SMO: variants seen among roughly 807,000 people sequenced by gnomAD.
SMO encodes the protein smoothened, frizzled class receptor, also known as protein smoothened.
SMO carries 40 observed loss-of-function variants against 81.6 expected under a neutral mutation model. That is an observed-to-expected ratio of 0.49 (90% CI 0.38 to 0.64). SMO has a LOEUF of 0.64. Ranked by LOEUF, SMO falls within the 30% of genes least tolerant of loss-of-function variation. The pLI, the probability that SMO is intolerant of heterozygous loss-of-function variation, is 0.00. For synonymous variants in SMO, 434 were observed against 432.1 expected (o/e 1.00, Z -0.05); for missense variants, 916 against 1,061.1 (o/e 0.86, Z 1.90).
intron 1 of SMO, among the ~76,000 whole-genome samples, chr7:129,196,947 G>A (rs1324170678): frequency 6.7e-6 from 1 of 150,016 alleles, no homozygotes; most frequent in African/African-American, 2.5e-5. Context: ...AACCTGGGAG[G>A]CGGAGCTTGC....
In SMO at chr7:129,189,541, C is replaced by A. The variant is rs2150638683; in HGVS notation, c.331+59C>A. 6.6e-7 allele frequency: 1 copy of A among 1,519,258 alleles called. No individual in the cohort carries two copies. The highest frequency in any genetic ancestry group is 8.8e-7 in the Non-Finnish European group (1 of 1,135,138). The allele number at this position is 1,519,258 out of a possible 1,614,324, so 94.1% of individuals were successfully genotyped here. A position where few individuals can be genotyped will look rare whatever the true frequency, so the allele number is the denominator to read the frequency against. ...AGGTGCCGCGGTAAGATGGGGGCACCCTTGGAAAGAACAGGCTCAGGCCTG... is the reference window on the plus strand; with the variant it reads ...AGGTGCCGCGGTAAGATGGGGGCACACTTGGAAAGAACAGGCTCAGGCCTG... On this transcript the variant is annotated intron_variant, in intron 1 of 11. Coordinates refer to ENST00000249373, the MANE Select transcript of SMO (RefSeq NM_005631.5). The surrounding 1 kb of genome is among the most constrained non-coding windows in gnomAD (Gnocchi z 4.7).
At position 129,203,560 on chromosome 7, in the gene SMO, A is replaced by G. The variant is rs763625453; in HGVS notation, c.508A>G (p.Thr170Ala). The stretch of plus-strand genomic sequence containing the variant: ...GGGCTGGCCTGACTTCCTGCGCTGC[A>G]CTCCTGACCGCTTCCCTGAAGGCTG... ...ERGWPDFLRC[T>A]PDRFPEGCTN... Residue 170 changes from threonine (T) to alanine (A), a missense_variant, in exon 2 of 12, where the codon ACT (threonine) becomes GCT (alanine). Transcript: ENST00000249373. The G allele has an allele frequency of 4.4e-6, 7 of 1,602,762 alleles. No individual in the cohort carries two copies. In the Admixed American group the frequency reaches 6.7e-5, roughly 15 times the overall value.
rs13242728 is a variant in SMO at position 129,210,093 on chromosome 7, G to C, written c.1467-270G>C. The C allele has an allele frequency of 0.029, 9,543 of 333,150 alleles. 184 individuals are homozygous for C. The highest frequency in any genetic ancestry group is 0.068 in the Admixed American group (1,668 of 24,636). 20.6% of individuals were successfully genotyped at this position (333,150 alleles called of 1,614,324 possible). On this transcript the variant is annotated intron_variant, in intron 8 of 11. Coordinates refer to ENST00000249373, the MANE Select transcript of SMO (RefSeq NM_005631.5). The surrounding 1 kb of genome is among the most constrained non-coding windows in gnomAD (Gnocchi z 4.7). ...CCAGTTGATTCTAATGAGCACCCAG[G>C]GTTGAGATCAGTGCTGTGGAGCTTA...
In SMO at chr7:129,210,666, GC is replaced by G; in HGVS notation, c.1652+123del. On this transcript the variant is annotated intron_variant, in intron 9 of 11. Transcript: ENST00000249373. The surrounding 1 kb of genome is among the most constrained non-coding windows in gnomAD (Gnocchi z 4.7). ...CAGCCTTGGTCAGTGGTTCACCGCT[GC>G]CCCCTGGTGGCACCTTCTGTCCTTG... 1 of 866,854 alleles carries G rather than the reference GC, an allele frequency of 1.2e-6. No individual in the cohort carries two copies. Among genetic ancestry groups the G allele is most frequent in the Non-Finnish European group, 1.8e-6 (1 of 561,418 alleles). The allele number at this position is 866,854 out of a possible 1,614,324, so 53.7% of individuals were successfully genotyped here. A position where few individuals can be genotyped will look rare whatever the true frequency, so the allele number is the denominator to read the frequency against.
intron 1 of SMO, among the ~76,000 whole-genome samples, chr7:129,200,289 C>T (rs959080466): frequency 2.0e-5 from 3 of 151,966 alleles, no homozygotes; most frequent in African/African-American, 7.3e-5. Context: ...GGTGTGGTGG[C>T]GGGCGCCTGT....
chr7:129,203,395 GC>G lies in SMO; in HGVS notation c.349del (p.Arg117AlafsTer5). 6.4e-7 allele frequency: 1 copy of G among 1,551,712 alleles called. No homozygotes were observed. The highest frequency in any genetic ancestry group is 8.7e-7 in the Non-Finnish European group (1 of 1,147,286). Reference sequence around the variant, plus strand: ...GTTGCCACCCCCAGGCCTCCGGAATGCCCCCCGCTGCTGGGCAGTGATCCAG... The same window carrying G: ...GTTGCCACCCCCAGGCCTCCGGAATGCCCCCGCTGCTGGGCAGTGATCCAG... ...KLVLWSGLRN[A>X]PRCWAVIQPL... On this transcript the variant is annotated frameshift_variant, in exon 2 of 12. Coordinates refer to ENST00000249373, the MANE Select transcript of SMO (RefSeq NM_005631.5). LOFTEE classifies it high-confidence loss of function.
At position 129,206,524 on chromosome 7, in the gene SMO, G is replaced by A. The variant is rs755206241; in HGVS notation, c.1201G>A (p.Ala401Thr). 5 of 1,614,188 alleles carry A rather than the reference G, an allele frequency of 3.1e-6. No homozygotes were observed. Among genetic ancestry groups the A allele is most frequent in the Admixed American group, 3.3e-5 (2 of 60,018 alleles). Residue 401 changes from alanine to threonine, a missense_variant, in exon 6 of 12, where the codon GCG becomes ACG. Transcript: ENST00000249373. The surrounding 1 kb of genome is among the most constrained non-coding windows in gnomAD (Gnocchi z 4.4). Reference sequence around the variant, plus strand: ...GGGCTACAAGAACTACCGATACCGTGCGGGCTTCGTGCTGGCCCCAATCGG... The same window carrying A: ...GGGCTACAAGAACTACCGATACCGTACGGGCTTCGTGCTGGCCCCAATCGG... ...FVGYKNYRYR[A>T]GFVLAPIGLV...
chr7:129,207,116 T>C (rs1334434354), intron 6 of SMO, among the ~76,000 whole-genome samples: 3 of 152,140 alleles, frequency 2.0e-5, no homozygotes, highest in African/African-American at 7.2e-5. Flanking sequence ...AGTGCGGAGA[T>C]TACAGGCATG....
intron 1 of SMO, among the ~76,000 whole-genome samples, chr7:129,193,758 CAAAAA>C (rs35934044): frequency 6.7e-4 from 5 of 7,454 alleles, no homozygotes; most frequent in East Asian, 0.03. Context: ...GACTCCATCT[CAAAAA>C]AAAAAAAAAA....
Position 129,211,651 on chromosome 7 carries a change from A to G in SMO, c.1817A>G (p.Asp606Gly), listed in dbSNP as rs2150655537. ...ATTCCCACAGCGGGCTTGGCCTTTG[A>G]CCTCAATGAGCCCTCAGCTGATGTC... ...HDGPVAGLAF[D>G]LNEPSADVSS... The change falls in exon 11 of 12, where the codon GAC becomes GGC. Residue 606 changes from aspartate (D) to glycine (G), a missense_variant. Asp to Gly is a moderately conservative substitution (Grantham distance 94, BLOSUM62 -1). Around this residue, in one of 4 missense-constraint regions of SMO, gnomAD observed 324 missense variants for 312.9 expected, o/e 1.04. Transcript: ENST00000249373. The surrounding 1 kb of genome is among the most constrained non-coding windows in gnomAD (Gnocchi z 4.6). 1 of 1,612,698 alleles carries G rather than the reference A, an allele frequency of 6.2e-7. No homozygotes were observed. The highest frequency in any genetic ancestry group is 8.5e-7 in the Non-Finnish European group (1 of 1,179,912).
At chr7:129,192,380 A>G (rs1384989533) in intron 1 of SMO, among the ~76,000 whole-genome samples, 1 of 152,172 alleles carries the variant, frequency 6.6e-6, no homozygotes, top group Non-Finnish European at 1.5e-5. Context: ...AAATAAAGGG[A>G]TTTATACCTC....
At position 129,206,703 on chromosome 7, in the gene SMO, T is replaced by C. The variant is rs909166923; in HGVS notation, c.1264+116T>C. The C allele has an allele frequency of 5.8e-6, 6 of 1,042,578 alleles. No homozygotes were observed. Among genetic ancestry groups the C allele is most frequent in the Admixed American group, 2.4e-5 (1 of 42,118 alleles). 64.6% of individuals were successfully genotyped at this position (1,042,578 alleles called of 1,614,324 possible). A position where few individuals can be genotyped will look rare whatever the true frequency, so the allele number is the denominator to read the frequency against. On this transcript the variant is annotated intron_variant, in intron 6 of 11. Coordinates refer to ENST00000249373, the MANE Select transcript of SMO (RefSeq NM_005631.5). The surrounding 1 kb of genome is among the most constrained non-coding windows in gnomAD (Gnocchi z 4.4). ...ATGCTGAAACCCCAGCTAGCTCCTA[T>C]AGGGCCTTCACACAGTAGAAGGTGA...
rs911082319 is a variant in SMO at position 129,189,542 on chromosome 7, C to G, written c.331+60C>G. 6.6e-7 allele frequency: 1 copy of G among 1,515,204 alleles called. No individual in the cohort carries two copies. Among genetic ancestry groups the G allele is most frequent in the African/African-American group, 1.4e-5 (1 of 72,382 alleles). 93.9% of individuals were successfully genotyped at this position (1,515,204 alleles called of 1,614,324 possible). On this transcript the variant is annotated intron_variant, in intron 1 of 11. Coordinates refer to ENST00000249373, the MANE Select transcript of SMO (RefSeq NM_005631.5). This position sits in a 1 kb window ranked among gnomAD's most constrained non-coding sequence, Gnocchi z 4.7. ...GGTGCCGCGGTAAGATGGGGGCACC[C>G]TTGGAAAGAACAGGCTCAGGCCTGA...
chr7:129,202,662 C>G (rs941465607), intron 1 of SMO, among the ~76,000 whole-genome samples: 3 of 152,186 alleles, frequency 2.0e-5, no homozygotes, highest in African/African-American at 7.2e-5. Flanking sequence ...CCTGCTTCCT[C>G]CTCTGGCTTT....
At chr7:129,193,867 G>A (rs983093936) in intron 1 of SMO, among the ~76,000 whole-genome samples, 2 of 139,014 alleles carry the variant, frequency 1.4e-5, no homozygotes, top group African/African-American at 2.7e-5. Flanking sequence ...CACTTTGGGA[G>A]GTTGAGGCAG....
chr7:129,198,632 G>A (rs1429788369), intron 1 of SMO, among the ~76,000 whole-genome samples: 1 of 152,210 alleles, frequency 6.6e-6, no homozygotes, highest in Non-Finnish European at 1.5e-5. Context: ...CATTTTTACT[G>A]TAGCCTTTCA....
intron 2 of SMO, among the ~76,000 whole-genome samples, chr7:129,204,643 C>A (rs1793728635): frequency 6.7e-6 from 1 of 148,282 alleles, no homozygotes; most frequent in Non-Finnish European, 1.5e-5. Flanking sequence ...CAGACTCTGT[C>A]TCTCTCTTTC....
At chr7:129,203,805 C>T (rs2701315) in intron 2 of SMO, among the ~76,000 whole-genome samples, 8 of 152,108 alleles carry the variant, frequency 5.3e-5, no homozygotes, top group African/African-American at 1.9e-4. Flanking sequence ...ATCACATGTT[C>T]AGCAAAATGT....
rs41304185 is a variant in SMO at position 129,189,225 on chromosome 7, A to G, written c.74A>G (p.Asp25Gly). The change falls in exon 1 of 12, where the codon GAC becomes GGC. Residue 25 changes from aspartate to glycine, a missense_variant. By Grantham distance (94) the Asp-to-Gly change is moderately conservative. Transcript: ENST00000249373. The surrounding 1 kb of genome is among the most constrained non-coding windows in gnomAD (Gnocchi z 4.7). The stretch of plus-strand genomic sequence containing the variant: ...CTGCTGCTGCTGCTGCTGCTGGGGG[A>G]CCCGGGCCGGGGGGCGGCCTCGAGC... ...LGLLLLLLLGDPGRGAASSGN... is the reference protein window; with the variant it reads ...LGLLLLLLLGGPGRGAASSGN... The G allele has an allele frequency of 0.094, 108,869 of 1,160,946 alleles. 5,729 individuals are homozygous for G. The highest frequency in any genetic ancestry group is 0.23 in the African/African-American group (14,157 of 62,214). The allele number at this position is 1,160,946 out of a possible 1,614,324, so 71.9% of individuals were successfully genotyped here.
Sources: gnomAD v4.1 joint callset for allele counts (sites outside exome capture counted in the v4.1 genomes callset) on GRCh38, gnomAD v4.1.1 for gene constraint, gnomAD v4.1.1 regional missense constraint, Gnocchi (gnomAD v3.1) non-coding constraint, MANE v1.5 for transcripts, NCBI Gene and HGNC (gene_info 2026-07-23, HGNC 2026-07-21) for gene names.